The following ADAMTS12 variants were observed in gnomAD, a reference collection of about 807,000 sequenced individuals.
ADAMTS12 encodes the protein ADAM metallopeptidase with thrombospondin type 1 motif 12.
ADAMTS12 carries 118 observed loss-of-function variants against 167.8 expected under a neutral mutation model. The ratio of observed to expected loss-of-function variants is 0.70; its 90% CI spans 0.61 to 0.82. The LOEUF (loss-of-function observed/expected upper bound fraction) is 0.82. ADAMTS12 is among the 40% of genes least tolerant of loss of function. The probability of loss-of-function intolerance (pLI) is 0.00; values close to 1 mark genes in which losing one functional copy is unlikely to be tolerated. For synonymous variants in ADAMTS12, 704 were observed against 716.9 expected, an observed-to-expected ratio of 0.98 and a Z score of 0.29; for missense variants, 1,916 against 1,998.8, an observed-to-expected ratio of 0.96 and a Z score of 0.79.
At chr5:33,736,235 G>T (rs977015989) in intron 3 of ADAMTS12, among the ~76,000 whole-genome samples, 2 of 151,814 alleles carry the variant, frequency 1.3e-5, no homozygotes, top group African/African-American at 4.8e-5. Flanking sequence ...GCTAATTTTT[G>T]TATTTTTAGT....
intron 2 of ADAMTS12, among the ~76,000 whole-genome samples, chr5:33,826,379 G>T (rs1161753437): frequency 2.6e-5 from 4 of 151,956 alleles, no homozygotes; most frequent in Admixed American, 1.3e-4. Context: ...ATAAAAAATA[G>T]TAATATTAAT....
intron 2 of ADAMTS12, among the ~76,000 whole-genome samples, chr5:33,804,186 T>C (rs1358262766): frequency 1.3e-5 from 2 of 152,196 alleles, no homozygotes; most frequent in African/African-American, 2.4e-5. Flanking sequence ...CAGGCCACAG[T>C]AGATTAAGTT....
At chr5:33,768,830 T>C (rs115905374) in intron 2 of ADAMTS12, among the ~76,000 whole-genome samples, 1,693 of 152,192 alleles carry the variant, frequency 0.011, 8 homozygotes, top group Non-Finnish European at 0.017. Flanking sequence ...TAAGACAAGG[T>C]ATGCTTGGTA....
intron 2 of ADAMTS12, among the ~76,000 whole-genome samples, chr5:33,832,956 T>C (rs1438306056): frequency 6.6e-6 from 1 of 152,230 alleles, no homozygotes; most frequent in East Asian, 1.9e-4. Flanking sequence ...ACTTTTTAAA[T>C]TCAGTCAATA....
At chr5:33,811,809 A>C (rs1463034354) in intron 2 of ADAMTS12, among the ~76,000 whole-genome samples, 1 of 152,184 alleles carries the variant, frequency 6.6e-6, no homozygotes, top group Non-Finnish European at 1.5e-5. Context: ...TGATGGCATT[A>C]ACCCAGGTGA....
chr5:33,765,774 T>A (rs1267617348), intron 2 of ADAMTS12, among the ~76,000 whole-genome samples: 1 of 152,200 alleles, frequency 6.6e-6, no homozygotes, highest in Non-Finnish European at 1.5e-5. Context: ...AATTTCTAAA[T>A]TTTTTACAAC....
At chr5:33,881,587 G>A (rs1397923879) in intron 1 of ADAMTS12, 107 bp from the exon 2 acceptor site, 9 of 1,449,532 alleles carry the variant, frequency 6.2e-6, no homozygotes, top group Non-Finnish European at 8.3e-6. Flanking sequence ...TGGAAATGGA[G>A]TTTTGCTCTT....
intron 5 of ADAMTS12, among the ~76,000 whole-genome samples, chr5:33,663,390 G>A (rs1342760702): frequency 6.6e-6 from 1 of 151,656 alleles, no homozygotes; most frequent in East Asian, 1.9e-4. Flanking sequence ...CTGGTCAGGT[G>A]GCATGAATCA....
At chr5:33,797,075 G>T (rs1274193093) in intron 2 of ADAMTS12, among the ~76,000 whole-genome samples, 2 of 152,206 alleles carry the variant, frequency 1.3e-5, no homozygotes, top group African/African-American at 4.8e-5. Context: ...TTCTATAAAG[G>T]CATCTCTAAA....
Position 33,814,077 on chromosome 5 carries a change from C to T in ADAMTS12, c.490-62529G>A, listed in dbSNP as rs142862644. Among the ~76,000 whole-genome samples the T allele has an allele frequency of 4.6e-3, 706 of 152,248 alleles. 3 individuals are homozygous for T. The highest frequency in any genetic ancestry group is 0.016 in the African/African-American group (665 of 41,540). On this transcript the variant is annotated intron_variant, in intron 2 of 23. Transcript: ENST00000504830. Reference sequence around the variant, plus strand: ...TCTCCCAATCTGTGGCTTGCTATTTCCCTCCCTTAATGATGTCTTTAATTA... The same window carrying T: ...TCTCCCAATCTGTGGCTTGCTATTTTCCTCCCTTAATGATGTCTTTAATTA...
intron 2 of ADAMTS12, among the ~76,000 whole-genome samples, chr5:33,809,995 AAAAAAAC>A (rs911237216): frequency 2.0e-4 from 30 of 151,194 alleles, no homozygotes; most frequent in African/African-American, 7.1e-4. Flanking sequence ...AAAAAAAAAA[AAAAAAAC>A]AGATTAGAAG....
chr5:33,760,918 TGTGC>T (rs1349146619), intron 2 of ADAMTS12, among the ~76,000 whole-genome samples: 7 of 134,650 alleles, frequency 5.2e-5, no homozygotes, highest in African/African-American at 1.6e-4. Context: ...TGTGTGTGTG[TGTGC>T]GTATGCGCTT....
chr5:33,843,431 A>G (rs1307641639), intron 2 of ADAMTS12, among the ~76,000 whole-genome samples: 1 of 152,186 alleles, frequency 6.6e-6, no homozygotes, highest in African/African-American at 2.4e-5. Context: ...ATATCAGGCA[A>G]GGGGGTAGTG....
At chr5:33,648,701 A>T in intron 9 of ADAMTS12, 121 bp downstream of exon 9, 1 of 1,278,598 alleles carries the variant, frequency 7.8e-7, no homozygotes, top group Non-Finnish European at 1.1e-6. Context: ...ACCTTGCCTT[A>T]AATATAAAGC....
At chr5:33,841,300 G>A (rs1258216107) in intron 2 of ADAMTS12, among the ~76,000 whole-genome samples, 1 of 152,048 alleles carries the variant, frequency 6.6e-6, no homozygotes, top group East Asian at 1.9e-4. Flanking sequence ...TAGCATAAAG[G>A]GCCTGTACTT....
chr5:33,663,629 A>G (rs1741350181), intron 5 of ADAMTS12, among the ~76,000 whole-genome samples: 2 of 152,230 alleles, frequency 1.3e-5, no homozygotes, highest in African/African-American at 4.8e-5. Context: ...AACTAGATCA[A>G]GATCACTTAG....
At chr5:33,767,025 A>C (rs553171852) in intron 2 of ADAMTS12, among the ~76,000 whole-genome samples, 2 of 152,224 alleles carry the variant, frequency 1.3e-5, no homozygotes, top group African/African-American at 4.8e-5. Context: ...ATAATGATGA[A>C]TACTAGGAAA....
At chr5:33,653,015 C>T (rs1740923923) in intron 7 of ADAMTS12, among the ~76,000 whole-genome samples, 1 of 152,004 alleles carries the variant, frequency 6.6e-6, no homozygotes, top group Admixed American at 6.6e-5. Flanking sequence ...CTTTTTATTT[C>T]CTTTCCTTAT....
At chr5:33,677,970 T>C (rs942165186) in intron 5 of ADAMTS12, among the ~76,000 whole-genome samples, 2 of 152,174 alleles carry the variant, frequency 1.3e-5, no homozygotes, top group Admixed American at 6.5e-5. Context: ...TTTATGTATA[T>C]AGCCTAACCT....
Sources: allele counts gnomAD v4.1 joint callset (sites outside exome capture counted in the v4.1 genomes callset), GRCh38; gene constraint gnomAD v4.1.1; transcripts MANE v1.5; gene names NCBI Gene and HGNC (gene_info 2026-07-23, HGNC 2026-07-21).